Variants in SH3PXD2A observed in about 807,000 individuals in gnomAD.
SH3PXD2A encodes SH3 and PX domain-containing protein 2A.
A neutral mutation model predicts 115.2 loss-of-function variants in SH3PXD2A; 32 were observed. The observed-to-expected ratio is 0.28, with a 90% CI of 0.21 to 0.37. The LOEUF (loss-of-function observed/expected upper bound fraction) is 0.37. Ranked by LOEUF, SH3PXD2A falls within the 10% of genes least tolerant of loss-of-function variation. SH3PXD2A has a pLI of 1.00. For missense variants in SH3PXD2A, 1,328 were observed against 1,498.7 expected, an observed-to-expected ratio of 0.89 and a Z score of 1.88; for synonymous variants, 610 against 629.1, an observed-to-expected ratio of 0.97 and a Z score of 0.45.
chr10:103,817,218 G>A (rs1439439548), intron 1 of SH3PXD2A, among the ~76,000 whole-genome samples: 3 of 151,076 alleles, frequency 2.0e-5, no homozygotes, highest in African/African-American at 4.9e-5. Context: ...GTAAACTTAC[G>A]TCGTGGGGCT....
chr10:103,649,017 G>A (rs550213521), intron 8 of SH3PXD2A, among the ~76,000 whole-genome samples: 1 of 152,322 alleles, frequency 6.6e-6, no homozygotes, highest in South Asian at 2.1e-4. Flanking sequence ...ACCCAAAGAC[G>A]TTTGTAGCCA....
intron 5 of SH3PXD2A, among the ~76,000 whole-genome samples, chr10:103,712,283 C>T (rs551401350): frequency 2.0e-3 from 299 of 152,342 alleles, no homozygotes; most frequent in Middle Eastern, 0.01. Flanking sequence ...CTGAGCCATG[C>T]TCCGGGCCAC....
At chr10:103,810,158 T>A (rs531604645) in intron 1 of SH3PXD2A, among the ~76,000 whole-genome samples, 1 of 152,342 alleles carries the variant, frequency 6.6e-6, no homozygotes, top group East Asian at 1.9e-4. Context: ...CTTGTTAGAA[T>A]GGAAGCCTCC....
At chr10:103,703,158 G>C (rs759593566) in intron 5 of SH3PXD2A, among the ~76,000 whole-genome samples, 7 of 152,214 alleles carry the variant, frequency 4.6e-5, no homozygotes, top group Non-Finnish European at 8.8e-5. Context: ...GCCTCTGTGG[G>C]AAAGAGGACT....
chr10:103,701,822 TC>T (rs1204723465), intron 5 of SH3PXD2A, among the ~76,000 whole-genome samples: 1 of 144,262 alleles, frequency 6.9e-6, no homozygotes, highest in Non-Finnish European at 1.5e-5. Context: ...CATCCATCTG[TC>T]CATCATCTAT....
chr10:103,805,279 C>T (rs115327304), intron 1 of SH3PXD2A, among the ~76,000 whole-genome samples: 1,689 of 152,260 alleles, frequency 0.011, 35 homozygotes, highest in African/African-American at 0.038. Flanking sequence ...GGTGATTTGC[C>T]GAGGAAAGGG....
At chr10:103,633,653 G>T (rs1207138813) in intron 8 of SH3PXD2A, among the ~76,000 whole-genome samples, 10 of 149,412 alleles carry the variant, frequency 6.7e-5, no homozygotes, top group African/African-American at 2.2e-4. Flanking sequence ...GCTTGAACCC[G>T]GGAGGTGGAG....
At chr10:103,818,706 G>A (rs970963037) in intron 1 of SH3PXD2A, among the ~76,000 whole-genome samples, 4 of 152,154 alleles carry the variant, frequency 2.6e-5, no homozygotes, top group African/African-American at 9.7e-5. Flanking sequence ...CTATGGCTAG[G>A]TGAAATCGGC....
At chr10:103,809,147 G>A (rs181081741) in intron 1 of SH3PXD2A, among the ~76,000 whole-genome samples, 283 of 152,306 alleles carry the variant, frequency 1.9e-3, no homozygotes, top group Non-Finnish European at 3.3e-3. Context: ...CTCCTCTAGA[G>A]TGGGTGTTCA....
Position 103,603,156 on chromosome 10 carries a change from C to G in SH3PXD2A, c.2062G>C (p.Ala688Pro). The change falls in exon 15 of 15, where the codon GCC becomes CCC. Residue 688 changes from alanine to proline, a missense_variant. Coordinates refer to ENST00000369774, the MANE Select transcript of SH3PXD2A (RefSeq NM_001394015.1). ...QAEMGKNHSS[A>P]SFSSSITINT... The stretch of plus-strand genomic sequence containing the variant: ...ATGGTGATGGATGAGGAAAAGGAGG[C>G]TGAGGAGTGGTTCTTCCCCATTTCT... 1 of 1,613,768 alleles carries G rather than the reference C, an allele frequency of 6.2e-7. No individual in the cohort carries two copies. Among genetic ancestry groups the G allele is most frequent in the Non-Finnish European group, 8.5e-7 (1 of 1,179,998 alleles).
At chr10:103,832,082 A>G (rs2039487246) in intron 1 of SH3PXD2A, among the ~76,000 whole-genome samples, 1 of 152,196 alleles carries the variant, frequency 6.6e-6, no homozygotes, top group Non-Finnish European at 1.5e-5. Flanking sequence ...CCCATGCCCC[A>G]GGGACCATGG....
At position 103,723,076 on chromosome 10, in the gene SH3PXD2A, G is replaced by A. The variant is rs1236578883; in HGVS notation, c.398+1194C>T. Among the ~76,000 whole-genome samples the A allele has an allele frequency of 2.6e-5, 4 of 152,166 alleles. 1 individual carries two copies. The highest frequency in any genetic ancestry group is 4.8e-5 in the African/African-American group (2 of 41,438). ...CCTCATGGGCACATTCACAGAAAGTGCAGTGTGAATGGCACCTCCAGAGCC... is the reference window on the plus strand; with the variant it reads ...CCTCATGGGCACATTCACAGAAAGTACAGTGTGAATGGCACCTCCAGAGCC... On this transcript the variant is annotated intron_variant, in intron 5 of 14. Transcript: ENST00000369774.
At chr10:103,825,197 C>G (rs1234165182) in intron 1 of SH3PXD2A, among the ~76,000 whole-genome samples, 1 of 152,192 alleles carries the variant, frequency 6.6e-6, no homozygotes, top group Non-Finnish European at 1.5e-5. Context: ...CTGGCTTCTG[C>G]TGGCTCCCAA....
intron 1 of SH3PXD2A, among the ~76,000 whole-genome samples, chr10:103,835,651 C>T (rs2039530111): frequency 6.6e-6 from 1 of 152,142 alleles, no homozygotes; most frequent in Non-Finnish European, 1.5e-5. Flanking sequence ...TCAAGGACGT[C>T]CTGGTCTTTT....
At chr10:103,610,217 C>T (rs1201478987) in intron 13 of SH3PXD2A, among the ~76,000 whole-genome samples, 1 of 152,230 alleles carries the variant, frequency 6.6e-6, no homozygotes, top group Non-Finnish European at 1.5e-5. Context: ...GGCCCCAGGG[C>T]CTGGCTGTGC....
At chr10:103,815,784 G>A (rs1223498385) in intron 1 of SH3PXD2A, among the ~76,000 whole-genome samples, 3 of 151,896 alleles carry the variant, frequency 2.0e-5, no homozygotes, top group African/African-American at 7.3e-5. Flanking sequence ...AGCTACTCAG[G>A]AGGCTGAGGC....
At chr10:103,769,815 A>T (rs2038799928) in intron 2 of SH3PXD2A, among the ~76,000 whole-genome samples, 1 of 151,880 alleles carries the variant, frequency 6.6e-6, no homozygotes, top group Non-Finnish European at 1.5e-5. Context: ...GGGCCATAAC[A>T]CTCTAAACAG....
chr10:103,679,884 C>T (rs896328454), intron 6 of SH3PXD2A, among the ~76,000 whole-genome samples: 17 of 152,192 alleles, frequency 1.1e-4, no homozygotes, highest in South Asian at 4.1e-4. Context: ...TGCTCCAGGG[C>T]TGAGCTGAGG....
rs1842933215 is a variant in SH3PXD2A, at chr10:103,855,568, G to C, written c.-302C>G. 6.6e-6 allele frequency: 1 copy of C among 150,666 alleles called. No homozygotes were observed. Among genetic ancestry groups the C allele is most frequent in the Non-Finnish European group, 1.5e-5 (1 of 67,464 alleles). 9.3% of individuals were successfully genotyped at this position (150,666 alleles called of 1,614,324 possible). On this transcript the variant is annotated 5_prime_UTR_variant, in exon 1 of 15. Coordinates refer to ENST00000369774, the MANE Select transcript of SH3PXD2A (RefSeq NM_001394015.1). ...CTCTCTCCGCCGCCCGGTGGGTCCG[G>C]CGGGAACTGGCGGAGCAGAGGAGGG...
Sources: allele counts gnomAD v4.1 joint callset (sites outside exome capture counted in the v4.1 genomes callset), GRCh38; gene constraint gnomAD v4.1.1; transcripts MANE v1.5; gene names NCBI Gene and HGNC (gene_info 2026-07-23, HGNC 2026-07-21).